Variants in EXO1 observed in about 807,000 individuals in gnomAD.
The protein encoded by EXO1 is exonuclease 1.
EXO1 carries 69 observed loss-of-function variants against 84.5 expected under a neutral mutation model. That is an observed-to-expected ratio of 0.82 (90% CI 0.67 to 1.00). The LOEUF (loss-of-function observed/expected upper bound fraction) is 1.00, where lower values mean the gene tolerates loss of function less well. Ranked by LOEUF, EXO1 falls within the 50% of genes least tolerant of loss-of-function variation. EXO1 has a pLI of 0.00. For synonymous variants in EXO1, 373 were observed against 366.1 expected (o/e 1.02, Z -0.21); for missense variants, 1,045 against 1,000.7 (o/e 1.04, Z -0.60).
intron 12 of EXO1, among the ~76,000 whole-genome samples, chr1:241,873,615 A>G (rs564756209): frequency 3.2e-4 from 48 of 152,324 alleles, no homozygotes; most frequent in Non-Finnish European, 6.5e-4. Flanking sequence ...ACCTGATGCC[A>G]TGCTAGGTGC....
intron 12 of EXO1, among the ~76,000 whole-genome samples, chr1:241,872,711 T>TA (rs1454140703): frequency 6.6e-6 from 1 of 152,238 alleles, no homozygotes; most frequent in Non-Finnish European, 1.5e-5. Flanking sequence ...TGCATAGTAT[T>TA]ACATGGTGTA....
chr1:241,861,880 C>T (rs1296799050), intron 10 of EXO1, among the ~76,000 whole-genome samples: 2 of 152,154 alleles, frequency 1.3e-5, no homozygotes, highest in Non-Finnish European at 2.9e-5. Context: ...CACTCATGCA[C>T]AATTTAACAA....
At position 241,858,630 on chromosome 1, in the gene EXO1, G is replaced by T. The variant is rs902990409; in HGVS notation, c.668G>T (p.Gly223Val). Residue 223 changes from glycine (G) to valine (V), a missense_variant, in exon 8 of 16, where the codon GGT becomes GTT. Physicochemically the swap from Gly to Val is moderately radical, Grantham distance 109. Transcript: ENST00000366548. ...EKFRYMCILSGCDYLSSLRGI... is the reference protein window; with the variant it reads ...EKFRYMCILSVCDYLSSLRGI... ...TTTCGTTACATGTGTATTCTTTCAG[G>T]TTGTGACTACCTGTCATCACTGCGT... The T allele has an allele frequency of 6.2e-6, 10 of 1,613,938 alleles. No homozygotes were observed. Among genetic ancestry groups the T allele is most frequent in the Non-Finnish European group, 8.5e-6 (10 of 1,179,966 alleles).
At chr1:241,861,585 G>GTA in intron 10 of EXO1, 83 bp downstream of exon 10, 2 of 801,972 alleles carry the variant, frequency 2.5e-6, no homozygotes, top group Non-Finnish European at 4.5e-6. Context: ...CATACACTAA[G>GTA]CTTCTTTTAA....
chr1:241,877,421 A>G (rs1041691477), intron 12 of EXO1, among the ~76,000 whole-genome samples: 1 of 152,120 alleles, frequency 6.6e-6, no homozygotes. Flanking sequence ...CGTCCTATCT[A>G]GGAGCTCATG....
rs758181788 is a variant in EXO1 at position 241,860,611 on chromosome 1, A to G, written c.851A>G (p.Tyr284Cys). Residue 284 changes from tyrosine to cysteine, a missense_variant, in exon 9 of 16, where the codon TAT becomes TGT. Transcript: ENST00000366548. ...GFIRANNTFL[Y>C]QLVFDPIKRK... ...ATTCGGGCCAACAATACCTTCCTCT[A>G]TCAGCTAGTTTTTGATCCCATCAAA... 9 of 1,613,880 alleles carry G rather than the reference A, an allele frequency of 5.6e-6. No homozygotes were observed. Among genetic ancestry groups the G allele is most frequent in the South Asian group, 4.4e-5 (4 of 91,074 alleles).
intron 6 of EXO1, among the ~76,000 whole-genome samples, chr1:241,855,769 G>C (rs1050414412): frequency 6.6e-6 from 1 of 152,242 alleles, no homozygotes; most frequent in African/African-American, 2.4e-5. Flanking sequence ...GCGCAGCGCC[G>C]GTGGGCCGGC....
At chr1:241,869,678 A>G (rs1045678102) in intron 11 of EXO1, among the ~76,000 whole-genome samples, 3 of 152,188 alleles carry the variant, frequency 2.0e-5, no homozygotes, top group African/African-American at 7.2e-5. Flanking sequence ...TATGTTATAT[A>G]AGATAATATA....
At chr1:241,881,875 A>G in intron 13 of EXO1, 41 bp from the exon 14 acceptor site, 1 of 1,041,882 alleles carries the variant, frequency 9.6e-7, no homozygotes, top group Non-Finnish European at 1.5e-6. Flanking sequence ...TTCTACAGTA[A>G]AAATCTAATT....
intron 4 of EXO1, 110 bp from the exon 5 acceptor site, chr1:241,852,182 A>G: frequency 1.0e-6 from 1 of 983,912 alleles, no homozygotes. Context: ...GCTTAAAATA[A>G]CAAAATAAAA....
intron 11 of EXO1, among the ~76,000 whole-genome samples, chr1:241,868,852 C>T (rs559049189): frequency 3.9e-5 from 6 of 152,214 alleles, no homozygotes; most frequent in South Asian, 2.1e-4. Context: ...ATTTTTGATG[C>T]TGCTGTAAAT....
At chr1:241,851,129 C>A (rs905308707) in intron 4 of EXO1, among the ~76,000 whole-genome samples, 1 of 152,048 alleles carries the variant, frequency 6.6e-6, no homozygotes, top group Non-Finnish European at 1.5e-5. Flanking sequence ...CATGCCTGGC[C>A]CAATTCTTAA....
intron 10 of EXO1, among the ~76,000 whole-genome samples, chr1:241,863,747 A>AAT (rs1661539556): frequency 1.3e-5 from 2 of 152,242 alleles, no homozygotes; most frequent in Non-Finnish European, 2.9e-5. Flanking sequence ...TGCTCCATGT[A>AAT]ATACGGTAGC....
At chr1:241,877,337 C>G (rs1662458921) in intron 12 of EXO1, among the ~76,000 whole-genome samples, 1 of 152,074 alleles carries the variant, frequency 6.6e-6, no homozygotes, top group South Asian at 2.1e-4. Flanking sequence ...TATCTCTTCT[C>G]TTGCCTGTGA....
rs538072650 is a variant in EXO1 at position 241,883,949 on chromosome 1, G to T, written c.2212-1365G>T. ...ATTCTCAGACATTTGCATTGTCAGG[G>T]ATTTAACTACCACTTCTGTTTTGGT... On this transcript the variant is annotated intron_variant, in intron 14 of 15. Transcript: ENST00000366548. Among the ~76,000 whole-genome samples, 4 of 152,234 alleles carry T rather than the reference G, an allele frequency of 2.6e-5. No homozygotes were observed. In the East Asian group the frequency reaches 7.7e-4, roughly 29 times the overall value.
rs749825356 is a variant in EXO1 at position 241,885,473 on chromosome 1, C to T, written c.2371C>T (p.Leu791Phe). The change falls in exon 15 of 16, where the codon CTC becomes TTC. Residue 791 changes from leucine (L) to phenylalanine (F), a missense_variant. Physicochemically the swap from Leu to Phe is conservative, Grantham distance 22. Transcript: ENST00000366548. ...GAACAAGCCGGGGTTACAGATCAAACTCAATGAGCTCTGGAAAAACTTTGG... is the reference window on the plus strand; with the variant it reads ...GAACAAGCCGGGGTTACAGATCAAATTCAATGAGCTCTGGAAAAACTTTGG... Reference protein sequence around the residue: ...AENKPGLQIKLNELWKNFGFK... With the variant: ...AENKPGLQIKFNELWKNFGFK... 4.3e-6 allele frequency: 7 copies of T among 1,613,580 alleles called. 1 individual carries two copies. In the East Asian group the frequency reaches 8.9e-5, roughly 21 times the overall value.
intron 6 of EXO1, among the ~76,000 whole-genome samples, chr1:241,856,378 G>A (rs1320802648): frequency 2.6e-5 from 4 of 151,620 alleles, no homozygotes. Context: ...CAGCGGCTAT[G>A]ATAGGGGCTG....
chr1:241,853,355 C>T lies in EXO1; in HGVS notation c.282-3C>T, dbSNP rs1424511815. 6.2e-6 allele frequency: 10 copies of T among 1,613,538 alleles called. No individual in the cohort carries two copies. The highest frequency in any genetic ancestry group is 8.5e-6 in the Non-Finnish European group (10 of 1,179,548). ...ATATTTAAAAAATGTTCTTCCCTTG[C>T]AGAAGACGACAAGCCAATCTTCTTA... On this transcript the variant is annotated splice_polypyrimidine_tract_variant and splice_region_variant and intron_variant, in intron 5 of 15. Coordinates refer to ENST00000366548, the MANE Select transcript of EXO1 (RefSeq NM_130398.4).
intron 11 of EXO1, among the ~76,000 whole-genome samples, chr1:241,868,436 A>G (rs111654256): frequency 0.021 from 3,269 of 152,066 alleles, 53 homozygotes; most frequent in Middle Eastern, 0.092. Flanking sequence ...CCAAAGCTGC[A>G]GCTTCTCTGC....
Sources: allele counts gnomAD v4.1 joint callset (sites outside exome capture counted in the v4.1 genomes callset), GRCh38; gene constraint gnomAD v4.1.1; transcripts MANE v1.5; gene names NCBI Gene and HGNC (gene_info 2026-07-23, HGNC 2026-07-21).